Variants in LDHAL6A observed in about 807,000 individuals in gnomAD.
The protein encoded by LDHAL6A is lactate dehydrogenase A like 6A.
In LDHAL6A, 19 loss-of-function variants were observed where a neutral mutation model predicts 28.2. The observed-to-expected ratio is 0.67, with a 90% CI of 0.47 to 0.99. The LOEUF (loss-of-function observed/expected upper bound fraction) is 0.99. Ranked by LOEUF, LDHAL6A falls within the 50% of genes least tolerant of loss-of-function variation. The pLI, the probability that LDHAL6A is intolerant of heterozygous loss-of-function variation, is 0.00. For missense variants in LDHAL6A, 372 were observed against 398.6 expected, an observed-to-expected ratio of 0.93 and a Z score of 0.57; for synonymous variants, 144 against 134.4, an observed-to-expected ratio of 1.07 and a Z score of -0.49.
intron 6 of LDHAL6A, 88 bp downstream of exon 6, chr11:18,477,831 A>G (rs1849428277): frequency 8.0e-7 from 1 of 1,246,728 alleles, no homozygotes; most frequent in Non-Finnish European, 1.1e-6. Flanking sequence ...TTTGGGTTTG[A>G]TCTCGTGGGA....
In LDHAL6A at chr11:18,476,424, G is replaced by A. The variant is rs1227633200; in HGVS notation, c.633G>A (p.Leu211=). The A allele has an allele frequency of 3.7e-6, 6 of 1,614,000 alleles. No individual in the cohort carries two copies. The highest frequency in any genetic ancestry group is 1.6e-4 in the Middle Eastern group (1 of 6,084). ...GTGTGAACATTGCTGGCGTCCCTCT[G>A]AAGGATCTGAACCCAGATATAGGAA... ...WSGVNIAGVP[L]KDLNPDIGTD... The change falls in exon 5 of 7, where the codon CTG becomes CTA. Residue 211 remains leucine (L), a synonymous_variant. Coordinates refer to ENST00000280706, the MANE Select transcript of LDHAL6A (RefSeq NM_144972.5).
At chr11:18,467,912 T>TACACAC (rs1565070946) in intron 3 of LDHAL6A, among the ~76,000 whole-genome samples, 1 of 67,786 alleles carries the variant, frequency 1.5e-5, no homozygotes, top group African/African-American at 7.2e-5. Flanking sequence ...TATATATATA[T>TACACAC]ATATATACAC....
intron 3 of LDHAL6A, among the ~76,000 whole-genome samples, chr11:18,471,345 G>C (rs1276833399): frequency 6.6e-6 from 1 of 151,736 alleles, no homozygotes; most frequent in Non-Finnish European, 1.5e-5. Context: ...AAGTAGCTGG[G>C]ATTGCAGGCG....
intron 3 of LDHAL6A, among the ~76,000 whole-genome samples, chr11:18,468,000 TAC>T (rs1272605526): frequency 3.6e-5 from 2 of 55,626 alleles, no homozygotes; most frequent in African/African-American, 1.3e-4. Flanking sequence ...TGCATATATA[TAC>T]GTATATATAT....
At chr11:18,467,990 TGCATATATATACGTATATATATAC>T (rs1849146464) in intron 3 of LDHAL6A, among the ~76,000 whole-genome samples, 1 of 42,122 alleles carries the variant, frequency 2.4e-5, no homozygotes, top group African/African-American at 1.6e-4. Flanking sequence ...CGTATATATA[TGCATATATATACGTATATATATAC>T]ATATATATAC....
chr11:18,462,757 C>G (rs1848959143), intron 1 of LDHAL6A, among the ~76,000 whole-genome samples: 1 of 151,020 alleles, frequency 6.6e-6, no homozygotes, highest in African/African-American at 2.4e-5. Flanking sequence ...CACTAGAACC[C>G]AGGAAGCGGA....
chr11:18,457,793 A>C (rs1171851235), intron 1 of LDHAL6A, among the ~76,000 whole-genome samples: 2 of 152,134 alleles, frequency 1.3e-5, no homozygotes, highest in Admixed American at 1.3e-4. Context: ...TCGGCTTCCT[A>C]AAGTGCTGAG....
chr11:18,465,001 T>TTTTTTTTTTTTTTTTG (rs1849025165), intron 2 of LDHAL6A, among the ~76,000 whole-genome samples: 10 of 144,516 alleles, frequency 6.9e-5, no homozygotes, highest in African/African-American at 2.7e-4. Context: ...TGTTTTGTTT[T>TTTTTTTTTTTTTTTTG]GGTTTGTTTT....
intron 6 of LDHAL6A, among the ~76,000 whole-genome samples, chr11:18,478,274 A>C (rs1849438797): frequency 6.6e-6 from 1 of 152,182 alleles, no homozygotes; most frequent in African/African-American, 2.4e-5. Context: ...TCCTGATAGG[A>C]AGTGGTATGG....
intron 1 of LDHAL6A, among the ~76,000 whole-genome samples, chr11:18,459,776 A>G (rs1030390313): frequency 6.6e-6 from 1 of 152,142 alleles, no homozygotes; most frequent in Non-Finnish European, 1.5e-5. Flanking sequence ...TAGTCACTGT[A>G]TCTCCTTGGG....
At chr11:18,472,370 C>T (rs1849275600) in intron 3 of LDHAL6A, among the ~76,000 whole-genome samples, 1 of 152,178 alleles carries the variant, frequency 6.6e-6, no homozygotes, top group African/African-American at 2.4e-5. Flanking sequence ...TTCAGTATCA[C>T]TTTTTACCAT....
Position 18,475,578 on chromosome 11 carries a change from G to C in LDHAL6A, c.531G>C (p.Arg177Ser), listed in dbSNP as rs2133890087. 6.2e-7 allele frequency: 1 copy of C among 1,614,138 alleles called. No homozygotes were observed. Among genetic ancestry groups the C allele is most frequent in the Middle Eastern group, 1.7e-4 (1 of 6,060 alleles). The change falls in exon 4 of 7, where the codon AGG (arginine) becomes AGC (serine). Residue 177 changes from arginine (R) to serine (S), a missense_variant. By Grantham distance (110) the Arg-to-Ser change is moderately radical. Coordinates refer to ENST00000280706, the MANE Select transcript of LDHAL6A (RefSeq NM_144972.5). Reference protein sequence around the residue: ...SARFRYFIGQRLGIHSESCHG... With the variant: ...SARFRYFIGQSLGIHSESCHG... The stretch of plus-strand genomic sequence containing the variant: ...GTTTTCGTTACTTTATTGGGCAAAG[G>C]CTTGGCATCCACTCTGAAAGCTGTC...
chr11:18,457,248 T>C (rs1848783864), intron 1 of LDHAL6A, among the ~76,000 whole-genome samples: 1 of 152,212 alleles, frequency 6.6e-6, no homozygotes, highest in Non-Finnish European at 1.5e-5. Context: ...TTCCCTTCGT[T>C]CCTTATTCAT....
chr11:18,476,488 A>G lies in LDHAL6A; in HGVS notation c.697A>G (p.Lys233Glu), dbSNP rs953563502. The G allele has an allele frequency of 2.5e-6, 4 of 1,613,838 alleles. No homozygotes were observed. The highest frequency in any genetic ancestry group is 3.3e-5 in the Admixed American group (2 of 59,930). ...TGAGCAGTGGGAAAATGTCCACAAAAAAGTGATTTCCAGGTAATATGCTAG... is the reference window on the plus strand; with the variant it reads ...TGAGCAGTGGGAAAATGTCCACAAAGAAGTGATTTCCAGGTAATATGCTAG... ...DPEQWENVHK[K>E]VISSGYEMVK... Residue 233 changes from lysine (K) to glutamate (E), a missense_variant, in exon 5 of 7, where the codon AAA becomes GAA. Transcript: ENST00000280706.
chr11:18,474,413 G>C (rs926665610), intron 3 of LDHAL6A, among the ~76,000 whole-genome samples: 1 of 150,512 alleles, frequency 6.6e-6, no homozygotes, highest in Admixed American at 6.6e-5. Context: ...TTTTTGAGAC[G>C]GAGTCTTGCT....
chr11:18,459,085 T>C (rs79769829), intron 1 of LDHAL6A, among the ~76,000 whole-genome samples: 5,147 of 152,230 alleles, frequency 0.034, 287 homozygotes, highest in African/African-American at 0.12. Flanking sequence ...TGGTTAATAT[T>C]GTCAACTTGA....
chr11:18,477,918 CT>C (rs1369151316), intron 6 of LDHAL6A, among the ~76,000 whole-genome samples, 175 bp downstream of exon 6: 1 of 152,038 alleles, frequency 6.6e-6, no homozygotes, highest in East Asian at 1.9e-4. Flanking sequence ...CTTTGTAGAC[CT>C]TTGTCCTGGT....
intron 2 of LDHAL6A, among the ~76,000 whole-genome samples, chr11:18,464,981 T>TTTTTG (rs1554967033): frequency 8.8e-5 from 11 of 125,644 alleles, no homozygotes; most frequent in African/African-American, 1.4e-4. Flanking sequence ...TTTTTTGTTT[T>TTTTTG]TTTTTGTTTT....
rs2133889526 is a variant in LDHAL6A at position 18,475,352 on chromosome 11, A to G, written c.419-114A>G. On this transcript the variant is annotated intron_variant, in intron 3 of 6. Transcript: ENST00000280706. ...TATAGCTGGGGTTGGATAGAGAACCATGTTTCTTGCCTCCTCCACAAAACA... is the reference window on the plus strand; with the variant it reads ...TATAGCTGGGGTTGGATAGAGAACCGTGTTTCTTGCCTCCTCCACAAAACA... 7.5e-6 allele frequency: 6 copies of G among 800,308 alleles called. No individual in the cohort carries two copies. In the East Asian group the frequency reaches 1.5e-4, roughly 20 times the overall value. The allele number at this position is 800,308 out of a possible 1,614,324, so 49.6% of individuals were successfully genotyped here. A position where few individuals can be genotyped will look rare whatever the true frequency, so the allele number is the denominator to read the frequency against.
Sources: allele counts gnomAD v4.1 joint callset (sites outside exome capture counted in the v4.1 genomes callset), GRCh38; gene constraint gnomAD v4.1.1; transcripts MANE v1.5; gene names NCBI Gene and HGNC (gene_info 2026-07-23, HGNC 2026-07-21).